The following ZDHHC15 variants were observed in gnomAD, a reference collection of about 807,000 sequenced individuals.
The protein encoded by ZDHHC15 is palmitoyltransferase ZDHHC15.
A neutral mutation model predicts 31.7 loss-of-function variants in ZDHHC15; 19 were observed. That is an observed-to-expected ratio of 0.60 (90% CI 0.42 to 0.88). The LOEUF (loss-of-function observed/expected upper bound fraction) is 0.88. Ranked by LOEUF, ZDHHC15 falls within the 40% of genes least tolerant of loss-of-function variation. ZDHHC15 has a pLI of 0.00. For synonymous variants in ZDHHC15, 103 were observed against 90.0 expected, an observed-to-expected ratio of 1.14 and a Z score of -0.82; for missense variants, 209 against 251.2, an observed-to-expected ratio of 0.83 and a Z score of 1.14.
chrX:75,401,181 C>G (rs768026265), intron 10 of ZDHHC15, among the ~76,000 whole-genome samples: 1 of 107,331 alleles, frequency 9.3e-6, no homozygotes, highest in African/African-American at 3.4e-5. Flanking sequence ...GGAGCACGGA[C>G]AGATCATAGA....
intron 2 of ZDHHC15, among the ~76,000 whole-genome samples, chrX:75,491,676 A>C (rs1415773745): frequency 2.7e-5 from 3 of 111,274 alleles, no homozygotes; most frequent in Non-Finnish European, 5.7e-5. Flanking sequence ...CCAGAATTTC[A>C]TATCCAGCCA....
At chrX:75,383,745 T>G (rs1287621280) in intron 10 of ZDHHC15, among the ~76,000 whole-genome samples, 1 of 89,427 alleles carries the variant, frequency 1.1e-5, no homozygotes, top group East Asian at 3.4e-4. Flanking sequence ...GTTTTTTTTT[T>G]TTTTTTTTTT....
chrX:75,500,500 A>G (rs1358019095), intron 2 of ZDHHC15, among the ~76,000 whole-genome samples: 1 of 109,589 alleles, frequency 9.1e-6, no homozygotes, highest in Admixed American at 9.9e-5. Context: ...TTTCTATGTG[A>G]ATGCAAAGAA....
chrX:75,439,762 T>A (rs746206466), intron 4 of ZDHHC15, among the ~76,000 whole-genome samples: 4 of 111,142 alleles, frequency 3.6e-5, no homozygotes, highest in Admixed American at 9.6e-5. Context: ...ATTATCAGAA[T>A]TGTTTTTCTT....
intron 2 of ZDHHC15, among the ~76,000 whole-genome samples, chrX:75,499,660 C>G (rs1193401292): frequency 8.9e-6 from 1 of 111,855 alleles, no homozygotes; most frequent in Admixed American, 9.5e-5. Context: ...AAAGGGAACA[C>G]TTTTACACTG....
chrX:75,475,223 A>G (rs2084583378), intron 3 of ZDHHC15, among the ~76,000 whole-genome samples: 1 of 111,920 alleles, frequency 8.9e-6, no homozygotes, highest in Admixed American at 9.5e-5. Flanking sequence ...TGACATATGA[A>G]AATTTTAAAT....
intron 2 of ZDHHC15, among the ~76,000 whole-genome samples, chrX:75,505,580 C>T (rs2085145783): frequency 9.0e-6 from 1 of 110,908 alleles, no homozygotes; most frequent in Non-Finnish European, 1.9e-5. Flanking sequence ...GAGTGCTTAA[C>T]TGTGTCCTTC....
chrX:75,511,421 G>T (rs989377588), intron 1 of ZDHHC15, among the ~76,000 whole-genome samples: 1 of 61,373 alleles, frequency 1.6e-5, no homozygotes, highest in African/African-American at 6.0e-5. Flanking sequence ...TTTTGATGGG[G>T]TTGTTTGTTT....
rs1311980286 is a variant in ZDHHC15 at position 75,370,428 on chromosome X, T to A, written c.*2550A>T. The stretch of plus-strand genomic sequence containing the variant: ...TCAAATGATCCATGGATAGGGATAT[T>A]ATCAGAGTCTATAAACCAATGAGAC... On this transcript the variant is annotated 3_prime_UTR_variant, in exon 12 of 12. Coordinates refer to ENST00000373367, the MANE Select transcript of ZDHHC15 (RefSeq NM_144969.3). 9.0e-6 allele frequency: 1 copy of A among 111,337 alleles called. No individual in the cohort carries two copies. The highest frequency in any genetic ancestry group is 1.9e-5 in the Non-Finnish European group (1 of 53,121). 9.2% of individuals were successfully genotyped at this position (111,337 alleles called of 1,213,427 possible).
At chrX:75,504,489 T>C (rs1275399312) in intron 2 of ZDHHC15, among the ~76,000 whole-genome samples, 1 of 111,209 alleles carries the variant, frequency 9.0e-6, no homozygotes, top group East Asian at 2.8e-4. Flanking sequence ...ATGCCTAATG[T>C]TCATCTCATT....
chrX:75,418,298 AATTTTTCCATAATTACCACCCTACCCC>A (rs1278756061), intron 9 of ZDHHC15, among the ~76,000 whole-genome samples: 1 of 111,665 alleles, frequency 9.0e-6, no homozygotes, highest in African/African-American at 3.3e-5. Context: ...ATCAAGGAGA[AATTTTTCCATAATTACCACCCTACCCC>A]CAACAAAGTT....
intron 10 of ZDHHC15, among the ~76,000 whole-genome samples, chrX:75,409,589 G>A (rs1418634312): frequency 9.5e-6 from 1 of 104,896 alleles, no homozygotes; most frequent in Non-Finnish European, 1.9e-5. Context: ...GAGATCAGGA[G>A]ATTGAGACCA....
chrX:75,518,138 A>T (rs1371904682), intron 1 of ZDHHC15, among the ~76,000 whole-genome samples: 1 of 111,596 alleles, frequency 9.0e-6, no homozygotes, highest in African/African-American at 3.2e-5. Context: ...AAAAATAGAT[A>T]AATTGAATTT....
chrX:75,493,335 G>A (rs2084931926), intron 2 of ZDHHC15, among the ~76,000 whole-genome samples: 3 of 111,828 alleles, frequency 2.7e-5, no homozygotes, highest in Non-Finnish European at 5.6e-5. Flanking sequence ...TGGATTCACA[G>A]CCGAATTGTA....
At chrX:75,390,835 A>T (rs1160302942) in intron 10 of ZDHHC15, among the ~76,000 whole-genome samples, 3 of 111,750 alleles carry the variant, frequency 2.7e-5, no homozygotes, top group Non-Finnish European at 5.6e-5. Context: ...CAGTATCAAG[A>T]CCATCCAGGA....
At chrX:75,478,256 A>G (rs1162309891) in intron 3 of ZDHHC15, among the ~76,000 whole-genome samples, 2 of 112,256 alleles carry the variant, frequency 1.8e-5, no homozygotes, top group Admixed American at 9.5e-5. Flanking sequence ...ATGAAATAAC[A>G]GCACTAAATA....
At chrX:75,461,669 C>T (rs952560198) in intron 3 of ZDHHC15, among the ~76,000 whole-genome samples, 2 of 111,860 alleles carry the variant, frequency 1.8e-5, no homozygotes, top group African/African-American at 6.5e-5. Context: ...GTATTTGACA[C>T]CTACCAAACT....
At chrX:75,384,602 C>A (rs1449501503) in intron 10 of ZDHHC15, 2 of 815,779 alleles carry the variant, frequency 2.5e-6, no homozygotes, top group South Asian at 2.1e-5. Context: ...AAGATTCTTG[C>A]CAAGAGAATT....
chrX:75,432,634 A>T (rs1021264482), intron 4 of ZDHHC15, among the ~76,000 whole-genome samples: 1 of 111,316 alleles, frequency 9.0e-6, no homozygotes, highest in Non-Finnish European at 1.9e-5. Context: ...CTGCTTTCAT[A>T]CTTGCCCCTC....
Sources: allele counts gnomAD v4.1 joint callset (sites outside exome capture counted in the v4.1 genomes callset), GRCh38; gene constraint gnomAD v4.1.1; transcripts MANE v1.5; gene names NCBI Gene and HGNC (gene_info 2026-07-23, HGNC 2026-07-21).